Variants in TRIM24 observed in about 807,000 individuals in gnomAD.
The protein encoded by TRIM24 is transcription intermediary factor 1-alpha.
In TRIM24, 29 loss-of-function variants were observed where a neutral mutation model predicts 123.9. That is an observed-to-expected ratio of 0.23 (90% CI 0.17 to 0.32). The LOEUF (loss-of-function observed/expected upper bound fraction) is 0.32, where lower values mean the gene tolerates loss of function less well. Among genes scored for constraint, TRIM24 ranks in the 10% least tolerant of loss-of-function variants. The pLI, the probability that TRIM24 is intolerant of heterozygous loss-of-function variation, is 1.00. For synonymous variants in TRIM24, 456 were observed against 461.1 expected (o/e 0.99, Z 0.14); for missense variants, 932 against 1,295.3 (o/e 0.72, Z 4.31).
chr7:138,557,228 GC>G (rs1359996329), intron 9 of TRIM24, among the ~76,000 whole-genome samples: 10 of 152,288 alleles, frequency 6.6e-5, no homozygotes, highest in African/African-American at 2.4e-4. Flanking sequence ...CCTATTGCTG[GC>G]CTTGGAGTGA....
At chr7:138,503,241 A>G (rs1278276071) in intron 1 of TRIM24, among the ~76,000 whole-genome samples, 1 of 152,120 alleles carries the variant, frequency 6.6e-6, no homozygotes, top group Non-Finnish European at 1.5e-5. Context: ...TGAAAATTCT[A>G]TGGAAATTTC....
rs1798044118 is a variant in TRIM24 at position 138,587,761 on chromosome 7, G to A, written c.*2810G>A. 6.6e-6 allele frequency: 1 copy of A among 152,236 alleles called. No individual in the cohort carries two copies. The highest frequency in any genetic ancestry group is 2.4e-5 in the African/African-American group (1 of 41,460). 9.4% of individuals were successfully genotyped at this position (152,236 alleles called of 1,614,324 possible). The stretch of plus-strand genomic sequence containing the variant: ...AGGATTTACTCAGTTCCACCTCACT[G>A]ACAGCTTTTCTAGGTGCCAAGCAAC... On this transcript the variant is annotated 3_prime_UTR_variant, in exon 19 of 19. Transcript: ENST00000343526.
At chr7:138,517,596 A>T (rs1796427438) in intron 3 of TRIM24, among the ~76,000 whole-genome samples, 1 of 151,752 alleles carries the variant, frequency 6.6e-6, no homozygotes. Flanking sequence ...CTGGTCTCGA[A>T]CTCCTGACCT....
intron 9 of TRIM24, among the ~76,000 whole-genome samples, chr7:138,555,270 T>C (rs1797292354): frequency 6.6e-6 from 1 of 152,140 alleles, no homozygotes; most frequent in African/African-American, 2.4e-5. Flanking sequence ...GTTGTGTGCC[T>C]ATAATTCCTA....
At chr7:138,490,000 G>C (rs763728978) in intron 1 of TRIM24, among the ~76,000 whole-genome samples, 2 of 152,198 alleles carry the variant, frequency 1.3e-5, no homozygotes, top group Non-Finnish European at 2.9e-5. Context: ...ATCAGACGTA[G>C]ATTTGGTCTT....
chr7:138,537,339 A>G (rs1245205629), intron 6 of TRIM24, among the ~76,000 whole-genome samples: 1 of 105,054 alleles, frequency 9.5e-6, no homozygotes, highest in Admixed American at 1.2e-4. Flanking sequence ...AGCTGTTCTT[A>G]TTCGGCCATC....
chr7:138,469,536 A>G (rs1795225368), intron 1 of TRIM24, among the ~76,000 whole-genome samples: 1 of 152,034 alleles, frequency 6.6e-6, no homozygotes, highest in African/African-American at 2.4e-5. Flanking sequence ...TGCTGACCTC[A>G]GGTAATCCAC....
At chr7:138,489,672 T>C (rs569785116) in intron 1 of TRIM24, among the ~76,000 whole-genome samples, 1 of 152,340 alleles carries the variant, frequency 6.6e-6, no homozygotes, top group South Asian at 2.1e-4. Flanking sequence ...TGTTGAATAT[T>C]GGCCCTCACT....
chr7:138,516,751 G>C (rs895465174), intron 3 of TRIM24, among the ~76,000 whole-genome samples: 7 of 151,430 alleles, frequency 4.6e-5, no homozygotes, highest in African/African-American at 1.7e-4. Context: ...ATTTTACTTA[G>C]CATAATATTT....
At chr7:138,520,358 GCTC>G (rs1249756136) in intron 4 of TRIM24, among the ~76,000 whole-genome samples, 1 of 152,178 alleles carries the variant, frequency 6.6e-6, no homozygotes, top group Admixed American at 6.5e-5. Context: ...CATATCGCTG[GCTC>G]CTCAAGTTTC....
At chr7:138,569,095 CTAA>C (rs1208925887) in intron 10 of TRIM24, among the ~76,000 whole-genome samples, 2 of 152,058 alleles carry the variant, frequency 1.3e-5, no homozygotes, top group Non-Finnish European at 2.9e-5. Flanking sequence ...ACTTATTTTC[CTAA>C]TAATTTTGTG....
chr7:138,498,822 C>T (rs1795970353), intron 1 of TRIM24, among the ~76,000 whole-genome samples: 1 of 151,838 alleles, frequency 6.6e-6, no homozygotes, highest in Admixed American at 6.6e-5. Flanking sequence ...TTAGTAGAGA[C>T]AGGGTTTCAC....
chr7:138,586,296 A>G lies in TRIM24; in HGVS notation c.*1345A>G, dbSNP rs186908811. On this transcript the variant is annotated 3_prime_UTR_variant, in exon 19 of 19. Coordinates refer to ENST00000343526, the MANE Select transcript of TRIM24 (RefSeq NM_015905.3). The stretch of plus-strand genomic sequence containing the variant: ...TATTTATAAAACATTAACTGGAGTA[A>G]ATTTTTCTCCTTAGGATGATAGAAT... 6.2e-6 allele frequency: 1 copy of G among 162,018 alleles called. No homozygotes were observed. The highest frequency in any genetic ancestry group is 1.8e-4 in the East Asian group (1 of 5,700). 10.0% of individuals were successfully genotyped at this position (162,018 alleles called of 1,614,324 possible).
At chr7:138,523,904 AC>A (rs1428780198) in intron 4 of TRIM24, among the ~76,000 whole-genome samples, 3 of 152,168 alleles carry the variant, frequency 2.0e-5, no homozygotes, top group Non-Finnish European at 4.4e-5. Context: ...GGCCAGTCTC[AC>A]TCATGAAATG....
rs183861695 is a variant in TRIM24, at chr7:138,463,772, G to A, written c.364+2860G>A. Among the ~76,000 whole-genome samples the A allele has an allele frequency of 2.9e-3, 434 of 151,984 alleles. 2 individuals are homozygous for A. The highest frequency in any genetic ancestry group is 3.7e-3 in the Non-Finnish European group (254 of 67,972). On this transcript the variant is annotated intron_variant, in intron 1 of 18. Transcript: ENST00000343526. ...TTTTTATCTTTATGCTGTATTGTAC[G>A]CAAGAGTTCAAAGAAAGCGTTTAAA... is the stretch of plus-strand genomic sequence containing the variant.
chr7:138,574,804 T>C (rs990880035), intron 12 of TRIM24, among the ~76,000 whole-genome samples: 2 of 152,182 alleles, frequency 1.3e-5, no homozygotes, highest in Non-Finnish European at 2.9e-5. Flanking sequence ...ACCTTATATG[T>C]ATTACCTAGT....
chr7:138,548,475 T>G (rs750312984), intron 7 of TRIM24, among the ~76,000 whole-genome samples: 2 of 151,840 alleles, frequency 1.3e-5, no homozygotes, highest in Non-Finnish European at 2.9e-5. Context: ...GAATGGAGCT[T>G]GCAGGACTGG....
At chr7:138,533,994 T>A (rs958775404) in intron 6 of TRIM24, among the ~76,000 whole-genome samples, 2 of 152,206 alleles carry the variant, frequency 1.3e-5, no homozygotes, top group African/African-American at 4.8e-5. Flanking sequence ...TTTTCTAGTT[T>A]ATTTGCATAG....
chr7:138,575,602 T>A (rs1418541178), intron 12 of TRIM24, among the ~76,000 whole-genome samples: 1 of 152,156 alleles, frequency 6.6e-6, no homozygotes, highest in East Asian at 1.9e-4. Context: ...TCAAACCTTT[T>A]AGAACTTCTG....
Sources: allele counts gnomAD v4.1 joint callset (sites outside exome capture counted in the v4.1 genomes callset), GRCh38; gene constraint gnomAD v4.1.1; transcripts MANE v1.5; gene names NCBI Gene and HGNC (gene_info 2026-07-23, HGNC 2026-07-21).